The following IPO11 variants were observed in gnomAD, a reference collection of about 807,000 sequenced individuals.
IPO11 encodes the protein importin-11.
A neutral mutation model predicts 143.2 loss-of-function variants in IPO11; 66 were observed. That is an observed-to-expected ratio of 0.46 (90% confidence interval 0.38 to 0.57). The LOEUF is 0.57. IPO11 is among the 20% of genes least tolerant of loss of function. The pLI, the probability that IPO11 is intolerant of heterozygous loss-of-function variation, is 0.00. For synonymous variants in IPO11, 385 were observed against 377.8 expected (o/e 1.02, Z -0.22); for missense variants, 1,026 against 1,141.0 (o/e 0.90, Z 1.45).
intron 20 of IPO11, among the ~76,000 whole-genome samples, chr5:62,517,726 A>G (rs148724062): frequency 6.6e-6 from 1 of 152,130 alleles, no homozygotes; most frequent in Non-Finnish European, 1.5e-5. Flanking sequence ...TTTAAGCTCA[A>G]CTTGGGAGTT....
At chr5:62,479,858 A>G (rs972731381) in intron 9 of IPO11, among the ~76,000 whole-genome samples, 1 of 152,160 alleles carries the variant, frequency 6.6e-6, no homozygotes, top group Non-Finnish European at 1.5e-5. Flanking sequence ...AGATGAGTAG[A>G]TTGCAAAAAT....
At chr5:62,416,598 G>T (rs934427850) in intron 1 of IPO11, among the ~76,000 whole-genome samples, 1 of 152,074 alleles carries the variant, frequency 6.6e-6, no homozygotes, top group African/African-American at 2.4e-5. Flanking sequence ...GGGTTCGGGG[G>T]TTAGGGCTTC....
chr5:62,424,966 A>G (rs1743671357), intron 1 of IPO11, among the ~76,000 whole-genome samples: 1 of 152,228 alleles, frequency 6.6e-6, no homozygotes, highest in Non-Finnish European at 1.5e-5. Flanking sequence ...CTTTTGGTAG[A>G]GTGATGCAAT....
At chr5:62,518,454 A>T (rs970001456) in intron 20 of IPO11, among the ~76,000 whole-genome samples, 2 of 151,752 alleles carry the variant, frequency 1.3e-5, no homozygotes, top group Admixed American at 1.3e-4. Context: ...AAAAAAAAAA[A>T]AGCCCAAAAA....
At position 62,627,476 on chromosome 5, in the gene IPO11, T is replaced by G; in HGVS notation, c.*158T>G. ...ACAAAATGTAAAGGATAAATGTAAATCCTGCATAACTAAAATCACAAACCT... is the reference window on the plus strand; with the variant it reads ...ACAAAATGTAAAGGATAAATGTAAAGCCTGCATAACTAAAATCACAAACCT... On this transcript the variant is annotated 3_prime_UTR_variant, in exon 30 of 30. Transcript: ENST00000325324. The G allele has an allele frequency of 1.6e-6, 1 of 619,198 alleles. No homozygotes were observed. The highest frequency in any genetic ancestry group is 2.6e-6 in the Non-Finnish European group (1 of 384,510). 38.4% of individuals were successfully genotyped at this position (619,198 alleles called of 1,614,324 possible).
intron 27 of IPO11, chr5:62,580,623 A>T: frequency 6.4e-7 from 1 of 1,551,502 alleles, no homozygotes; most frequent in Non-Finnish European, 8.7e-7. Context: ...GTGGCAGAGC[A>T]TTACGTTATA....
At chr5:62,599,212 T>C (rs1455101273) in intron 28 of IPO11, among the ~76,000 whole-genome samples, 1 of 152,244 alleles carries the variant, frequency 6.6e-6, no homozygotes, top group Non-Finnish European at 1.5e-5. Context: ...TCGCTGATAT[T>C]GGACATTAAG....
intron 16 of IPO11, among the ~76,000 whole-genome samples, chr5:62,498,704 C>A (rs1214508542): frequency 6.6e-6 from 1 of 152,110 alleles, no homozygotes; most frequent in African/African-American, 2.4e-5. Flanking sequence ...ACCCCATCTC[C>A]ACTAAAGATA....
chr5:62,415,388 C>G (rs1314449943), intron 1 of IPO11, among the ~76,000 whole-genome samples: 1 of 151,834 alleles, frequency 6.6e-6, no homozygotes, highest in Non-Finnish European at 1.5e-5. Flanking sequence ...TCTTGAACTC[C>G]TGACCTCCCT....
chr5:62,598,214 G>A (rs1745298217), intron 28 of IPO11, among the ~76,000 whole-genome samples: 1 of 151,886 alleles, frequency 6.6e-6, no homozygotes, highest in Non-Finnish European at 1.5e-5. Flanking sequence ...ACTGGCACTG[G>A]GGGGCTGGGA....
At chr5:62,458,146 CAAA>C (rs58357821) in intron 5 of IPO11, among the ~76,000 whole-genome samples, 3 of 63,280 alleles carry the variant, frequency 4.7e-5, no homozygotes. Flanking sequence ...GACTCTGTCT[CAAA>C]AAAAAAAAAA....
chr5:62,512,115 C>A, intron 19 of IPO11: 1 of 677,848 alleles, frequency 1.5e-6, no homozygotes, highest in South Asian at 1.8e-5. Context: ...CACATTCAAA[C>A]AGTGTATTGA....
chr5:62,510,532 C>T (rs774426613), intron 19 of IPO11, among the ~76,000 whole-genome samples: 4 of 152,064 alleles, frequency 2.6e-5, no homozygotes, highest in African/African-American at 9.7e-5. Context: ...TTATCATAAC[C>T]GTGATTAGAC....
At chr5:62,610,956 T>C (rs1166982670) in intron 29 of IPO11, among the ~76,000 whole-genome samples, 1 of 152,190 alleles carries the variant, frequency 6.6e-6, no homozygotes, top group East Asian at 1.9e-4. Flanking sequence ...AATGGAAAGA[T>C]GTACTTGTTT....
chr5:62,566,280 G>C (rs145482551), intron 27 of IPO11, among the ~76,000 whole-genome samples: 3 of 152,090 alleles, frequency 2.0e-5, no homozygotes, highest in African/African-American at 7.2e-5. Context: ...CCTCAGCCTC[G>C]CCAGCATCTA....
intron 27 of IPO11, among the ~76,000 whole-genome samples, chr5:62,588,927 C>T (rs1744908818): frequency 6.6e-6 from 1 of 152,298 alleles, no homozygotes; most frequent in Non-Finnish European, 1.5e-5. Context: ...TACTCACCCA[C>T]GTGCCTAATA....
intron 27 of IPO11, chr5:62,580,221 T>C (rs1159468800): frequency 2.0e-5 from 31 of 1,550,728 alleles, no homozygotes; most frequent in Non-Finnish European, 2.5e-5. Flanking sequence ...TCCTGAAAAA[T>C]TCAAGAATTA....
At chr5:62,489,243 T>G (rs1250663678) in intron 13 of IPO11, 59 bp from the exon 14 acceptor site, 10 of 999,430 alleles carry the variant, frequency 1.0e-5, no homozygotes, top group Non-Finnish European at 1.3e-5. Context: ...AATATAAATT[T>G]TTTAAAAAAC....
chr5:62,487,759 T>G lies in IPO11; in HGVS notation c.1219-12T>G. The stretch of plus-strand genomic sequence containing the variant: ...CTGTTTTGATGAGAAATTTGTATTT[T>G]TCCCTCTCCAGCCATGCACTGAAGT... On this transcript the variant is annotated splice_polypyrimidine_tract_variant and intron_variant, in intron 12 of 29. Transcript: ENST00000325324. 1 of 1,547,214 alleles carries G rather than the reference T, an allele frequency of 6.5e-7. No individual in the cohort carries two copies. The highest frequency in any genetic ancestry group is 8.7e-7 in the Non-Finnish European group (1 of 1,147,568).
Sources: gnomAD v4.1 joint callset for allele counts (sites outside exome capture counted in the v4.1 genomes callset) on GRCh38, gnomAD v4.1.1 for gene constraint, MANE v1.5 for transcripts, NCBI Gene and HGNC (gene_info 2026-07-23, HGNC 2026-07-21) for gene names.